TOGARAM2: variants seen among roughly 807,000 people sequenced by gnomAD.
TOGARAM2 encodes the protein TOG array regulator of axonemal microtubules 2.
TOGARAM2 carries 85 observed loss-of-function variants against 93.3 expected under a neutral mutation model. That is an observed-to-expected ratio of 0.91 (90% CI 0.76 to 1.09). The LOEUF (loss-of-function observed/expected upper bound fraction) is 1.09. TOGARAM2 is among the 50% of genes least tolerant of loss of function. The pLI is 0.00. For missense variants in TOGARAM2, 1,277 were observed against 1,334.5 expected (o/e 0.96, Z 0.67); for synonymous variants, 593 against 552.8 (o/e 1.07, Z -1.02).
chr2:28,988,803 C>A (rs942386873), intron 1 of TOGARAM2, among the ~76,000 whole-genome samples: 2 of 152,140 alleles, frequency 1.3e-5, no homozygotes, highest in African/African-American at 4.8e-5. Context: ...GACCCGCATG[C>A]CTCCACAGGC....
chr2:28,984,646 G>T (rs1672382514), intron 1 of TOGARAM2, among the ~76,000 whole-genome samples: 1 of 152,206 alleles, frequency 6.6e-6, no homozygotes, highest in African/African-American at 2.4e-5. Flanking sequence ...CATTCCTGGG[G>T]CAGTGGACCA....
intron 18 of TOGARAM2, among the ~76,000 whole-genome samples, chr2:29,041,817 AT>A (rs763106514): frequency 3.3e-4 from 50 of 152,322 alleles, no homozygotes; most frequent in Non-Finnish European, 6.0e-4. Flanking sequence ...GCTTTTAAAA[AT>A]TAGATTCTAG....
chr2:29,018,956 T>C (rs1009143964), intron 10 of TOGARAM2, among the ~76,000 whole-genome samples: 1 of 152,286 alleles, frequency 6.6e-6, no homozygotes, highest in East Asian at 1.9e-4. Context: ...ACTTTCATTG[T>C]AAATATTTAT....
intron 2 of TOGARAM2, among the ~76,000 whole-genome samples, chr2:28,997,021 T>C (rs1303181133): frequency 1.3e-5 from 2 of 152,158 alleles, no homozygotes; most frequent in East Asian, 3.9e-4. Context: ...AGAGTGCAGA[T>C]AGCTCTTCAA....
In TOGARAM2 at chr2:29,023,131, C is replaced by G; in HGVS notation, c.1557C>G (p.Ala519=). The part of the protein sequence containing the change: ...KGLVSIQRLA[A]CHSEVLTGKL... ...TGGTGAGCATCCAGCGCTTGGCAGC[C>G]TGTCACTCAGAGGTCCTCACCGGGA... Residue 519 remains alanine (A), a synonymous_variant, in exon 12 of 20, where the codon GCC becomes GCG. Coordinates refer to ENST00000379558, the MANE Select transcript of TOGARAM2 (RefSeq NM_199280.4). 1 of 1,602,944 alleles carries G rather than the reference C, an allele frequency of 6.2e-7. No individual in the cohort carries two copies. The highest frequency in any genetic ancestry group is 8.5e-7 in the Non-Finnish European group (1 of 1,174,850).
At chr2:28,959,996 G>T (rs1042693197) in intron 1 of TOGARAM2, among the ~76,000 whole-genome samples, 6 of 152,166 alleles carry the variant, frequency 3.9e-5, no homozygotes, top group African/African-American at 1.4e-4. Flanking sequence ...CATGTTCCTG[G>T]ACTGAGTACT....
chr2:29,005,150 TGTTGTGTGTG>T (rs1192118055), intron 6 of TOGARAM2, among the ~76,000 whole-genome samples: 10 of 13,258 alleles, frequency 7.5e-4, no homozygotes, highest in African/African-American at 1.1e-3. Flanking sequence ...TGTGAGTGCA[TGTTGTGTGTG>T]AGTGCATGTG....
At chr2:28,999,122 G>GT in intron 3 of TOGARAM2, 59 bp from the exon 4 acceptor site, 1 of 1,514,546 alleles carries the variant, frequency 6.6e-7, no homozygotes, top group South Asian at 1.3e-5. Flanking sequence ...GAGCTTGCTG[G>GT]TGCCTGGTGC....
intron 2 of TOGARAM2, 56 bp downstream of exon 2, chr2:28,994,918 C>A: frequency 6.5e-7 from 1 of 1,544,356 alleles, no homozygotes; most frequent in Admixed American, 2.0e-5. Context: ...GGGGACCTGC[C>A]TCGGACACTC....
intron 2 of TOGARAM2, among the ~76,000 whole-genome samples, chr2:28,996,894 A>G (rs944899166): frequency 7.3e-6 from 1 of 136,938 alleles, no homozygotes; most frequent in African/African-American, 2.7e-5. Context: ...ATTCTTTTTT[A>G]TGGCCTAATA....
intron 1 of TOGARAM2, among the ~76,000 whole-genome samples, chr2:28,968,552 T>C (rs1239029390): frequency 6.6e-6 from 1 of 151,890 alleles, no homozygotes; most frequent in Non-Finnish European, 1.5e-5. Context: ...CTAGGAAAAG[T>C]GTGCATGACT....
intron 12 of TOGARAM2, 80 bp downstream of exon 12, chr2:29,023,271 G>C: frequency 8.2e-7 from 1 of 1,219,046 alleles, no homozygotes; most frequent in Non-Finnish European, 1.2e-6. Flanking sequence ...CTGTGGAGGG[G>C]CTGTGGCTTC....
At position 29,011,441 on chromosome 2, in the gene TOGARAM2, C is replaced by T. The variant is rs1664240580; in HGVS notation, c.831-14C>T. 6.2e-7 allele frequency: 1 copy of T among 1,610,836 alleles called. No individual in the cohort carries two copies. The highest frequency in any genetic ancestry group is 1.1e-5 in the South Asian group (1 of 90,602). On this transcript the variant is annotated splice_polypyrimidine_tract_variant and intron_variant, in intron 6 of 19. Coordinates refer to ENST00000379558, the MANE Select transcript of TOGARAM2 (RefSeq NM_199280.4). Reference sequence around the variant, plus strand: ...CATCCCTCATGATGCTTTTCTCTCCCCCGTTCTTTTAAGATTGGCTCGGGG... The same window carrying T: ...CATCCCTCATGATGCTTTTCTCTCCTCCGTTCTTTTAAGATTGGCTCGGGG...
intron 4 of TOGARAM2, 110 bp from the exon 5 acceptor site, chr2:29,002,426 G>A (rs944756984): frequency 5.4e-6 from 5 of 923,014 alleles, no homozygotes; most frequent in East Asian, 2.6e-5. Flanking sequence ...CTCTCTCCTC[G>A]CCATCCCAGT....
chr2:29,028,462 C>CTCCT (rs1396606116), intron 14 of TOGARAM2, among the ~76,000 whole-genome samples: 1 of 152,210 alleles, frequency 6.6e-6, no homozygotes, highest in Non-Finnish European at 1.5e-5. Context: ...ATCTGCCTCC[C>CTCCT]TCCTGCACAG....
chr2:29,001,504 CTT>C (rs56716343), intron 4 of TOGARAM2, among the ~76,000 whole-genome samples: 15 of 140,660 alleles, frequency 1.1e-4, no homozygotes, highest in Admixed American at 1.4e-4. Flanking sequence ...CCCAGCTAAT[CTT>C]TTTTTTTTTT....
intron 18 of TOGARAM2, among the ~76,000 whole-genome samples, chr2:29,039,221 A>C (rs569983644): frequency 9.9e-5 from 15 of 152,072 alleles, no homozygotes; most frequent in Non-Finnish European, 2.1e-4. Flanking sequence ...ATCGGACATG[A>C]TCCAGTTTCT....
chr2:28,967,981 G>A (rs1295610662), intron 1 of TOGARAM2, among the ~76,000 whole-genome samples: 1 of 151,786 alleles, frequency 6.6e-6, no homozygotes, highest in African/African-American at 2.4e-5. Flanking sequence ...ACCACACCTG[G>A]CTAATTTTTG....
chr2:28,979,590 A>G (rs75893799), upstream of TOGARAM2, among the ~76,000 whole-genome samples: 825 of 152,288 alleles, frequency 5.4e-3, 6 homozygotes, highest in African/African-American at 0.019. Flanking sequence ...TCAGCTCCTG[A>G]GGGCAGGCTG....
Sources: allele counts gnomAD v4.1 joint callset (sites outside exome capture counted in the v4.1 genomes callset), GRCh38; gene constraint gnomAD v4.1.1; transcripts MANE v1.5; gene names NCBI Gene and HGNC (gene_info 2026-07-23, HGNC 2026-07-21).